Variants in DCTN5 observed in about 807,000 individuals in gnomAD.
The protein encoded by DCTN5 is dynactin subunit 5.
A neutral mutation model predicts 23.5 loss-of-function variants in DCTN5; 14 were observed. The observed-to-expected ratio is 0.60, with a 90% confidence interval of 0.39 to 0.93. DCTN5 has a LOEUF of 0.93. DCTN5 is among the 40% of genes least tolerant of loss of function. The pLI is 0.00. For missense variants in DCTN5, 156 were observed against 225.9 expected (o/e 0.69, Z 1.98); for synonymous variants, 67 against 79.6 (o/e 0.84, Z 0.84).
chr16:23,650,938 C>T, intron 2 of DCTN5: 1 of 1,416,152 alleles, frequency 7.1e-7, no homozygotes, highest in Non-Finnish European at 9.6e-7. Context: ...GAATACAGGC[C>T]CACGTGGCAA....
At position 23,651,456 on chromosome 16, in the gene DCTN5, A is replaced by G. The variant is rs998205712; in HGVS notation, c.118-7051A>G. ...ATGTGTTTGCTTCTTTAGTTAGTGT[A>G]TAGTTTAGGCTGACAAACAGACTTA... On this transcript the variant is annotated intron_variant, in intron 2 of 5. Transcript: ENST00000300087. 7.2e-5 allele frequency among the ~76,000 whole-genome samples: 11 copies of G among 152,328 alleles called. 1 individual carries two copies. Among genetic ancestry groups the G allele is most frequent in the Middle Eastern group, 3.4e-3 (1 of 294 alleles).
At chr16:23,657,515 A>C (rs1232078862) in intron 2 of DCTN5, 1 of 424,594 alleles carries the variant, frequency 2.4e-6, no homozygotes, top group Non-Finnish European at 4.7e-6. Flanking sequence ...ATCTCGGCTC[A>C]CTGCAACCTC....
intron 2 of DCTN5, among the ~76,000 whole-genome samples, chr16:23,656,687 A>G (rs1024643212): frequency 4.6e-5 from 7 of 151,730 alleles, no homozygotes; most frequent in African/African-American, 1.5e-4. Context: ...TTCTTTCTAT[A>G]TGTACAGTTA....
chr16:23,673,570 C>G lies in DCTN5; in HGVS notation c.*6426C>G, dbSNP rs1209652474. 6.6e-6 allele frequency: 1 copy of G among 152,134 alleles called. No individual in the cohort carries two copies. Among genetic ancestry groups the G allele is most frequent in the African/African-American group, 2.4e-5 (1 of 41,416 alleles). The allele number at this position is 152,134 out of a possible 1,614,324, so 9.4% of individuals were successfully genotyped here. A position where few individuals can be genotyped will look rare whatever the true frequency, so the allele number is the denominator to read the frequency against. On this transcript the variant is annotated 3_prime_UTR_variant, in exon 6 of 6. Coordinates refer to ENST00000300087, the MANE Select transcript of DCTN5 (RefSeq NM_032486.4). ...GACGCAGTGGCGTGCGCCTGTAGTC[C>G]CAGCTACTCATCTCTTAAAAAAAAA...
chr16:23,643,238 C>A (rs1967345623), intron 2 of DCTN5, among the ~76,000 whole-genome samples: 1 of 151,644 alleles, frequency 6.6e-6, no homozygotes, highest in Non-Finnish European at 1.5e-5. Flanking sequence ...GTCGCCCAGG[C>A]TGGAGTGCAG....
chr16:23,654,204 A>G (rs1041831212), intron 2 of DCTN5, among the ~76,000 whole-genome samples: 2 of 152,230 alleles, frequency 1.3e-5, no homozygotes, highest in South Asian at 4.1e-4. Context: ...AAATCATTCT[A>G]TTATAAAGAC....
chr16:23,648,888 C>T (rs749518938), intron 2 of DCTN5, among the ~76,000 whole-genome samples: 5 of 151,950 alleles, frequency 3.3e-5, no homozygotes, highest in Admixed American at 2.6e-4. Flanking sequence ...GACAGAATCC[C>T]GCTCCATTGC....
At chr16:23,646,291 T>A (rs1419924405) in intron 2 of DCTN5, among the ~76,000 whole-genome samples, 1 of 152,194 alleles carries the variant, frequency 6.6e-6, no homozygotes, top group Non-Finnish European at 1.5e-5. Context: ...TGTCTTTTTC[T>A]TATTGAGTTC....
chr16:23,647,732 T>C (rs1443480106), intron 2 of DCTN5, among the ~76,000 whole-genome samples: 2 of 152,142 alleles, frequency 1.3e-5, no homozygotes, highest in Non-Finnish European at 2.9e-5. Context: ...GGTCTTGAAC[T>C]CCTGACCTCA....
chr16:23,645,133 A>AT (rs1567228549), intron 2 of DCTN5, among the ~76,000 whole-genome samples: 2 of 22,418 alleles, frequency 8.9e-5, no homozygotes, highest in African/African-American at 2.4e-4. Flanking sequence ...ATATATATAT[A>AT]TATATTTTTT....
At chr16:23,652,232 A>G (rs1357270033) in intron 2 of DCTN5, among the ~76,000 whole-genome samples, 1 of 151,924 alleles carries the variant, frequency 6.6e-6, no homozygotes, top group Non-Finnish European at 1.5e-5. Flanking sequence ...ATCTAAATTC[A>G]CCTATATATC....
At chr16:23,649,959 T>A (rs899138058) in intron 2 of DCTN5, among the ~76,000 whole-genome samples, 2 of 152,132 alleles carry the variant, frequency 1.3e-5, no homozygotes, top group Non-Finnish European at 2.9e-5. Flanking sequence ...GAAGAGATTG[T>A]CCTTTTCCAG....
At chr16:23,665,325 T>C (rs1967885807) in intron 4 of DCTN5, among the ~76,000 whole-genome samples, 1 of 152,114 alleles carries the variant, frequency 6.6e-6, no homozygotes, top group African/African-American at 2.4e-5. Context: ...AAAGCACAAA[T>C]GTCCACTAAA....
At chr16:23,666,661 A>G (rs563909669) in intron 5 of DCTN5, 1 of 313,062 alleles carries the variant, frequency 3.2e-6, no homozygotes, top group Non-Finnish European at 6.0e-6. Context: ...TTGACAGTAT[A>G]TGATACCTAC....
rs1231963729 is a variant in DCTN5, at chr16:23,676,844, G to T, written c.*9700G>T. ...ATCTGAAAGCTTGGATTTCAGGAGG[G>T]TTCTCATTACTCCCTAAATGATAAG... On this transcript the variant is annotated 3_prime_UTR_variant, in exon 6 of 6. Transcript: ENST00000300087. The T allele has an allele frequency of 6.6e-6, 1 of 152,214 alleles. No homozygotes were observed. Among genetic ancestry groups the T allele is most frequent in the Non-Finnish European group, 1.5e-5 (1 of 68,050 alleles). The allele number at this position is 152,214 out of a possible 1,614,324, so 9.4% of individuals were successfully genotyped here. A position where few individuals can be genotyped will look rare whatever the true frequency, so the allele number is the denominator to read the frequency against.
In DCTN5 at chr16:23,667,175, A is replaced by G. The variant is rs1467978278; in HGVS notation, c.*31A>G. 6.2e-7 allele frequency: 1 copy of G among 1,610,552 alleles called. No individual in the cohort carries two copies. The highest frequency in any genetic ancestry group is 2.2e-5 in the East Asian group (1 of 44,808). Reference sequence around the variant, plus strand: ...CTGCCTCATGTCTTGAATCTGCTTGAGCTCTAAGATGAACCTGGGGACAAA... The same window carrying G: ...CTGCCTCATGTCTTGAATCTGCTTGGGCTCTAAGATGAACCTGGGGACAAA... On this transcript the variant is annotated 3_prime_UTR_variant, in exon 6 of 6. Transcript: ENST00000300087.
chr16:23,654,912 T>C (rs1002306279), intron 2 of DCTN5, among the ~76,000 whole-genome samples: 41 of 152,222 alleles, frequency 2.7e-4, no homozygotes, highest in Admixed American at 2.6e-3. Context: ...CCATCCATGT[T>C]GCTGCAAATG....
intron 2 of DCTN5, among the ~76,000 whole-genome samples, chr16:23,645,137 A>ATATATAT (rs1555462995): frequency 1.3e-4 from 4 of 30,804 alleles, no homozygotes; most frequent in African/African-American, 2.6e-4. Flanking sequence ...ATATATATAT[A>ATATATAT]TTTTTTTTTT....
chr16:23,643,088 C>T, intron 2 of DCTN5, 65 bp downstream of exon 2: 1 of 1,337,766 alleles, frequency 7.5e-7, no homozygotes, highest in Non-Finnish European at 1.1e-6. Flanking sequence ...GTCACCACAG[C>T]AGGGCAGATA....
Sources: allele counts gnomAD v4.1 joint callset (sites outside exome capture counted in the v4.1 genomes callset), GRCh38; gene constraint gnomAD v4.1.1; transcripts MANE v1.5; gene names NCBI Gene and HGNC (gene_info 2026-07-23, HGNC 2026-07-21).